BSN: variants seen among roughly 807,000 people sequenced by gnomAD.
The protein encoded by BSN is bassoon presynaptic cytomatrix protein, also known as protein bassoon.
In BSN, 57 loss-of-function variants were observed where a neutral mutation model predicts 264.8. The ratio of observed to expected loss-of-function variants is 0.22; its 90% CI spans 0.17 to 0.27. The LOEUF (loss-of-function observed/expected upper bound fraction) is 0.27. Ranked by LOEUF, BSN falls within the 10% of genes least tolerant of loss-of-function variation. The probability of loss-of-function intolerance (pLI) is 1.00; values close to 1 mark genes in which losing one functional copy is unlikely to be tolerated. For missense variants in BSN, 4,615 were observed against 5,232.5 expected, an observed-to-expected ratio of 0.88 and a Z score of 3.64; for synonymous variants, 2,059 against 2,137.3, an observed-to-expected ratio of 0.96 and a Z score of 1.01.
At chr3:49,639,872 C>T (rs1007305222) in intron 2 of BSN, among the ~76,000 whole-genome samples, 6 of 152,236 alleles carry the variant, frequency 3.9e-5, no homozygotes, top group African/African-American at 1.4e-4. Flanking sequence ...TGAACATGCC[C>T]TATGTGGTGC....
rs1488853541 is a variant in BSN, at chr3:49,667,411, T to C, written c.*105-179T>C. ...GCTGTCCTCTCTGTGACCTCCAACC[T>C]GCCCAAGCACCCATCTCCCCAAGCC... On this transcript the variant is annotated intron_variant, in intron 11 of 11. Coordinates refer to ENST00000296452, the MANE Select transcript of BSN (RefSeq NM_003458.4). 3.9e-5 allele frequency among the ~76,000 whole-genome samples: 6 copies of C among 151,978 alleles called. No individual in the cohort carries two copies. In the East Asian group the frequency reaches 1.2e-3, roughly 29 times the overall value.
chr3:49,634,567 T>G (rs2052407381), intron 2 of BSN, among the ~76,000 whole-genome samples: 1 of 152,166 alleles, frequency 6.6e-6, no homozygotes, highest in Non-Finnish European at 1.5e-5. Context: ...AAGTTTTGTA[T>G]TTTTAGTAGA....
At position 49,656,857 on chromosome 3, in the gene BSN, G is replaced by T; in HGVS notation, c.7301G>T (p.Arg2434Leu). 1 of 1,602,122 alleles carries T rather than the reference G, an allele frequency of 6.2e-7. No individual in the cohort carries two copies. Among genetic ancestry groups the T allele is most frequent in the East Asian group, 2.2e-5 (1 of 44,572 alleles). ...GTGCTGCAGCAGCAGCAAGAGGAAC[G>T]CCAGGCTCAATTTGCACTGCAGCGG... ...HHVLQQQQEERQAQFALQREQ... is the reference protein window; with the variant it reads ...HHVLQQQQEELQAQFALQREQ... The change falls in exon 5 of 12, where the codon CGC becomes CTC. Residue 2434 changes from arginine to leucine, a missense_variant. This residue lies in a region of BSN where 3,415 missense variants were observed against 3,866.4 expected (regional missense o/e 0.88). Transcript: ENST00000296452.
Position 49,656,223 on chromosome 3 carries a change from G to A in BSN, c.6667G>A (p.Gly2223Ser), listed in dbSNP as rs1386199417. ...ASVLRPMVRG[G>S]MYRPYASGGI... ...AGTCCTGCGGCCCATGGTGCGTGGT[G>A]GCATGTACAGGCCTTACGCATCTGG... The change falls in exon 5 of 12, where the codon GGC (glycine) becomes AGC (serine). Residue 2223 changes from glycine (G) to serine (S), a missense_variant. Around this residue, in one of 3 missense-constraint regions of BSN, gnomAD observed 3,415 missense variants for 3,866.4 expected, o/e 0.88. Transcript: ENST00000296452. The A allele has an allele frequency of 1.2e-6, 2 of 1,610,244 alleles. No individual in the cohort carries two copies. The highest frequency in any genetic ancestry group is 1.7e-6 in the Non-Finnish European group (2 of 1,178,334).
At position 49,585,562 on chromosome 3, in the gene BSN, C is replaced by T. The variant is rs576798472; in HGVS notation, c.224+30736C>T. ...TCCTTGCCTCCTCCACCCGGTCCGC[C>T]GCCGGTTTCCTTGGAAGTTAAATCT... On this transcript the variant is annotated intron_variant, in intron 1 of 11. Transcript: ENST00000296452. The surrounding 1 kb of genome is among the most constrained non-coding windows in gnomAD (Gnocchi z 4.7). 5.9e-5 allele frequency among the ~76,000 whole-genome samples: 9 copies of T among 152,326 alleles called. No individual in the cohort carries two copies. The East Asian group carries it at 1.5e-3, about 26-fold the overall frequency.
At chr3:49,622,413 G>A (rs1456136679) in intron 1 of BSN, among the ~76,000 whole-genome samples, 1 of 152,180 alleles carries the variant, frequency 6.6e-6, no homozygotes, top group Non-Finnish European at 1.5e-5. Flanking sequence ...ACTTTGCTGG[G>A]TGCAGAAGAC....
chr3:49,593,588 T>C (rs2051996618), intron 1 of BSN, among the ~76,000 whole-genome samples: 1 of 152,204 alleles, frequency 6.6e-6, no homozygotes, highest in Admixed American at 6.6e-5. Context: ...GTTATCATTA[T>C]AGGTCTGTAG....
chr3:49,605,617 A>ATT (rs1343804043), intron 1 of BSN, among the ~76,000 whole-genome samples: 2 of 9,220 alleles, frequency 2.2e-4, no homozygotes, highest in African/African-American at 6.3e-4. Flanking sequence ...TATATTATAT[A>ATT]TAAATATAAT....
intron 3 of BSN, among the ~76,000 whole-genome samples, chr3:49,648,778 G>A (rs7645413): frequency 4.8e-4 from 73 of 152,220 alleles, no homozygotes; most frequent in African/African-American, 1.6e-3. Context: ...AAGGTTCAAG[G>A]GAGTCAGTAG....
chr3:49,569,536 G>A (rs2051780983), intron 1 of BSN, among the ~76,000 whole-genome samples: 1 of 152,206 alleles, frequency 6.6e-6, no homozygotes, highest in African/African-American at 2.4e-5. Flanking sequence ...TCATGTTTGA[G>A]TTAAACTTGA....
intron 1 of BSN, among the ~76,000 whole-genome samples, chr3:49,570,370 G>A (rs1245520931): frequency 6.6e-6 from 1 of 152,184 alleles, no homozygotes; most frequent in Non-Finnish European, 1.5e-5. Context: ...CACTTTGCCT[G>A]CCTCCACTCC....
At chr3:49,555,233 C>T (rs2051656008) in intron 1 of BSN, among the ~76,000 whole-genome samples, 1 of 152,160 alleles carries the variant, frequency 6.6e-6, no homozygotes, top group South Asian at 2.1e-4. Flanking sequence ...GAGAAAACAG[C>T]ACAATGGGAG....
intron 2 of BSN, among the ~76,000 whole-genome samples, chr3:49,631,786 A>G (rs1246869771): frequency 6.6e-6 from 1 of 152,172 alleles, no homozygotes; most frequent in African/African-American, 2.4e-5. Flanking sequence ...TGCACTCCCA[A>G]GGTTTGGGAA....
rs575484269 is a variant in BSN at position 49,623,721 on chromosome 3, C to T, written c.225-1254C>T. On this transcript the variant is annotated intron_variant, in intron 1 of 11. Transcript: ENST00000296452. Reference sequence around the variant, plus strand: ...CCAGAGGGCTACCAGAAGGAAGGCTCCTTTGTGTAGAGGCAGGCCCCTGAT... The same window carrying T: ...CCAGAGGGCTACCAGAAGGAAGGCTTCTTTGTGTAGAGGCAGGCCCCTGAT... 5.3e-5 allele frequency among the ~76,000 whole-genome samples: 8 copies of T among 152,276 alleles called. No individual in the cohort carries two copies. The South Asian group carries it at 1.2e-3, about 24-fold the overall frequency.
chr3:49,654,015 G>A lies in BSN; in HGVS notation c.4459G>A (p.Glu1487Lys), dbSNP rs967346833. Reference sequence around the variant, plus strand: ...ACCTCTCTCCCCGTCTTCCCCCTCAGAGAGTCCCACATTCTCCCCTGGCAA... The same window carrying A: ...ACCTCTCTCCCCGTCTTCCCCCTCAAAGAGTCCCACATTCTCCCCTGGCAA... ...SPPLSPSSPSESPTFSPGKMG... is the reference protein window; with the variant it reads ...SPPLSPSSPSKSPTFSPGKMG... Residue 1487 changes from glutamate to lysine, a missense_variant, in exon 5 of 12, where the codon GAG becomes AAG. Physicochemically the swap from Glu to Lys is moderately conservative, Grantham distance 56 (BLOSUM62 1). Coordinates refer to ENST00000296452, the MANE Select transcript of BSN (RefSeq NM_003458.4). This position sits in a 1 kb window ranked among gnomAD's most constrained non-coding sequence, Gnocchi z 4.1. 23 of 1,613,678 alleles carry A rather than the reference G, an allele frequency of 1.4e-5. No individual in the cohort carries two copies. Among genetic ancestry groups the A allele is most frequent in the African/African-American group, 5.3e-5 (4 of 74,854 alleles).
At position 49,653,861 on chromosome 3, in the gene BSN, A is replaced by T; in HGVS notation, c.4305A>T (p.Leu1435=). 6.2e-7 allele frequency: 1 copy of T among 1,613,966 alleles called. No homozygotes were observed. Among genetic ancestry groups the T allele is most frequent in the Non-Finnish European group, 8.5e-7 (1 of 1,179,948 alleles). Residue 1435 remains leucine (L), a synonymous_variant, in exon 5 of 12, where the codon CTA becomes CTT. Coordinates refer to ENST00000296452, the MANE Select transcript of BSN (RefSeq NM_003458.4). The surrounding 1 kb of genome is among the most constrained non-coding windows in gnomAD (Gnocchi z 6.3). Reference sequence around the variant, plus strand: ...ACTATGGGTCCCAAACTGAGGATCTACCCCAGGCCCCCAGTGGCCTTGCTG... The same window carrying T: ...ACTATGGGTCCCAAACTGAGGATCTTCCCCAGGCCCCCAGTGGCCTTGCTG... ...TANYGSQTED[L]PQAPSGLAAA... is the part of the protein sequence containing the mutation.
intron 1 of BSN, among the ~76,000 whole-genome samples, chr3:49,601,273 G>A (rs953380118): frequency 1.3e-5 from 2 of 152,200 alleles, no homozygotes; most frequent in Non-Finnish European, 1.5e-5. Flanking sequence ...GACAGAGTAA[G>A]TGGTCTGCAG....
chr3:49,620,916 G>A (rs1052264097), intron 1 of BSN, among the ~76,000 whole-genome samples: 1 of 152,148 alleles, frequency 6.6e-6, no homozygotes, highest in Non-Finnish European at 1.5e-5. Flanking sequence ...GCTCCAGCCT[G>A]GGCAACAGAA....
At position 49,660,206 on chromosome 3, in the gene BSN, A is replaced by G. The variant is rs1431880950; in HGVS notation, c.8641-280A>G. On this transcript the variant is annotated intron_variant, in intron 5 of 11. Transcript: ENST00000296452. This position sits in a 1 kb window ranked among gnomAD's most constrained non-coding sequence, Gnocchi z 7.1. ...TCTCAAAGCCATGTGCTGGGCCAGTACAGGACATTGGCATGAAGGGAATCT... is the reference window on the plus strand; with the variant it reads ...TCTCAAAGCCATGTGCTGGGCCAGTGCAGGACATTGGCATGAAGGGAATCT... Among the ~76,000 whole-genome samples the G allele has an allele frequency of 1.3e-5, 2 of 152,190 alleles. No individual in the cohort carries two copies. Among genetic ancestry groups the G allele is most frequent in the East Asian group, 1.9e-4 (1 of 5,196 alleles).
Sources: allele counts gnomAD v4.1 joint callset (sites outside exome capture counted in the v4.1 genomes callset), GRCh38; gene constraint gnomAD v4.1.1; regional missense constraint gnomAD v4.1.1; non-coding constraint Gnocchi (gnomAD v3.1); transcripts MANE v1.5; gene names NCBI Gene and HGNC (gene_info 2026-07-23, HGNC 2026-07-21).